The following PAQR3 variants were observed in gnomAD, a reference collection of about 807,000 sequenced individuals.
PAQR3 encodes Raf kinase trapping to Golgi.
Under a neutral mutation model 41.7 loss-of-function variants are expected in PAQR3, and 39 were observed. The observed-to-expected ratio is 0.93, with a 90% confidence interval of 0.72 to 1.22. The LOEUF (loss-of-function observed/expected upper bound fraction) is 1.22, where lower values mean the gene tolerates loss of function less well. Ranked by LOEUF, PAQR3 falls within the 50% of genes most tolerant of loss-of-function variation. The probability of loss-of-function intolerance (pLI) is 0.00; values close to 1 mark genes in which losing one functional copy is unlikely to be tolerated. For synonymous variants in PAQR3, 140 were observed against 140.6 expected (o/e 1.00, Z 0.03); for missense variants, 366 against 385.6 (o/e 0.95, Z 0.42).
chr4:78,908,793 A>G (rs560925853), downstream of PAQR3, among the ~76,000 whole-genome samples: 3 of 152,334 alleles, frequency 2.0e-5, no homozygotes, highest in Admixed American at 2.0e-4. Flanking sequence ...TAGTAGGTAT[A>G]TACATTTATG....
chr4:78,934,817 A>G (rs111566752), intron 2 of PAQR3, among the ~76,000 whole-genome samples: 2 of 152,356 alleles, frequency 1.3e-5, no homozygotes, highest in African/African-American at 4.8e-5. Flanking sequence ...CTAGTGTTGT[A>G]CTTCAGCCAG....
intron 11 of PAQR3, among the ~76,000 whole-genome samples, chr4:78,905,829 A>T (rs1734255903): frequency 6.6e-6 from 1 of 151,888 alleles, no homozygotes; most frequent in African/African-American, 2.4e-5. Context: ...TTTTTAAATT[A>T]TAGGAATATG....
downstream of PAQR3, chr4:78,911,554 A>G (rs1734609282): frequency 3.1e-6 from 5 of 1,613,948 alleles, no homozygotes; most frequent in East Asian, 1.1e-4. Flanking sequence ...CACGCCAACT[A>G]GCACAAAGAA....
rs1737773481 is a variant in PAQR3, at chr4:78,939,197, G to A, written c.28C>T (p.His10Tyr). 5 of 1,609,084 alleles carry A rather than the reference G, an allele frequency of 3.1e-6. No homozygotes were observed. Among genetic ancestry groups the A allele is most frequent in the East Asian group, 2.3e-5 (1 of 44,136 alleles). Residue 10 changes from histidine (H) to tyrosine (Y), a missense_variant, in exon 1 of 6, where the codon CAT (histidine) becomes TAT (tyrosine). Physicochemically the swap from His to Tyr is moderately conservative, Grantham distance 83 (BLOSUM62 2). Transcript: ENST00000512733. MHQKLLKSA[H>Y]YIELGSYQYW... Reference sequence around the variant, plus strand: ...TGGTAGCTGCCCAGCTCGATGTAATGCGCGCTCTTCAGCAGCTTCTGATGC... The same window carrying A: ...TGGTAGCTGCCCAGCTCGATGTAATACGCGCTCTTCAGCAGCTTCTGATGC...
intron 1 of PAQR3, among the ~76,000 whole-genome samples, chr4:78,936,898 G>A (rs1009590414): frequency 2.2e-4 from 33 of 152,078 alleles, no homozygotes; most frequent in Admixed American, 1.8e-3. Context: ...ATCTGTCCCC[G>A]TCACTCCTGA....
chr4:78,918,666 A>AAT lies in PAQR3; in HGVS notation c.*1872_*1873insAT. 9 of 951,978 alleles carry AAT rather than the reference A, an allele frequency of 9.5e-6. No homozygotes were observed. The highest frequency in any genetic ancestry group is 1.1e-5 in the Non-Finnish European group (9 of 799,498). 59.0% of individuals were successfully genotyped at this position (951,978 alleles called of 1,614,324 possible). On this transcript the variant is annotated 3_prime_UTR_variant, in exon 6 of 6. Coordinates refer to ENST00000512733, the MANE Select transcript of PAQR3 (RefSeq NM_001040202.2). ...ATGGCAAGTATGTATTCATATACTA[A>AAT]TACAGGGACTGCAAAAATTGAAATG...
rs542997456 is a variant in PAQR3, at chr4:78,923,552, G to A, written c.793+305C>T. The stretch of plus-strand genomic sequence containing the variant: ...TATAGAGAAGTAAATGGTAGTTGAC[G>A]GTGTTCTACTTTTTAAAAGAAATAG... On this transcript the variant is annotated intron_variant, in intron 5 of 5. Coordinates refer to ENST00000512733, the MANE Select transcript of PAQR3 (RefSeq NM_001040202.2). 46 of 344,766 alleles carry A rather than the reference G, an allele frequency of 1.3e-4. 1 individual carries two copies. In the South Asian group the frequency reaches 1.6e-3, roughly 12 times the overall value. The allele number at this position is 344,766 out of a possible 1,614,324, so 21.4% of individuals were successfully genotyped here.
rs563593572 is a variant in PAQR3, at chr4:78,931,653, T to C, written c.349-1328A>G. Among the ~76,000 whole-genome samples the C allele has an allele frequency of 4.6e-5, 7 of 152,188 alleles. No individual in the cohort carries two copies. In the South Asian group the frequency reaches 6.2e-4, roughly 14 times the overall value. Reference sequence around the variant, plus strand: ...CATAATTGGAAAAGGTGGGAGGATATTGACTCTGTGGAGGTACATGTGCAT... The same window carrying C: ...CATAATTGGAAAAGGTGGGAGGATACTGACTCTGTGGAGGTACATGTGCAT... On this transcript the variant is annotated intron_variant, in intron 2 of 5. Transcript: ENST00000512733.
In PAQR3 at chr4:78,915,188, T is replaced by C. The variant is rs1002441916; in HGVS notation, c.*5351A>G. 1 of 151,988 alleles carries C rather than the reference T, an allele frequency of 6.6e-6. No individual in the cohort carries two copies. The allele number at this position is 151,988 out of a possible 1,614,324, so 9.4% of individuals were successfully genotyped here. On this transcript the variant is annotated 3_prime_UTR_variant, in exon 6 of 6. Coordinates refer to ENST00000512733, the MANE Select transcript of PAQR3 (RefSeq NM_001040202.2). ...TTACGACATTATCCGGATTTGCAAA[T>C]AGACACAACTTTCAGTCTTACCCTG...
chr4:78,910,862 TTAA>T (rs1553922504), downstream of PAQR3: 2 of 1,613,936 alleles, frequency 1.2e-6, no homozygotes, highest in African/African-American at 2.7e-5. Flanking sequence ...CAAGGAGATT[TTAA>T]TGATGATGAT....
At chr4:78,927,249 A>C (rs1325107265) in intron 3 of PAQR3, among the ~76,000 whole-genome samples, 2 of 152,184 alleles carry the variant, frequency 1.3e-5, no homozygotes, top group Non-Finnish European at 2.9e-5. Context: ...ATGCAGCAGG[A>C]AGTTTTGAGA....
At chr4:78,928,643 T>TA (rs1736501985) in intron 3 of PAQR3, among the ~76,000 whole-genome samples, 1 of 152,196 alleles carries the variant, frequency 6.6e-6, no homozygotes. Flanking sequence ...GACTGTGCCT[T>TA]AGAGCAGTGG....
At chr4:78,900,255 A>G (rs1008936982) in intron 11 of PAQR3, among the ~76,000 whole-genome samples, 3 of 152,186 alleles carry the variant, frequency 2.0e-5, no homozygotes, top group Non-Finnish European at 2.9e-5. Context: ...CATTCAAAAT[A>G]TGTTATTAGT....
intron 11 of PAQR3, among the ~76,000 whole-genome samples, chr4:78,901,426 G>C (rs1386642772): frequency 1.3e-5 from 2 of 152,050 alleles, no homozygotes; most frequent in African/African-American, 4.8e-5. Flanking sequence ...AAAATTGAAA[G>C]GATTAAATGA....
At chr4:78,928,516 C>G (rs892425245) in intron 3 of PAQR3, among the ~76,000 whole-genome samples, 1 of 152,012 alleles carries the variant, frequency 6.6e-6, no homozygotes, top group Non-Finnish European at 1.5e-5. Flanking sequence ...ATTTTCATAC[C>G]AGATATGTTG....
rs1010637897 is a variant in PAQR3, at chr4:78,922,518, G to A, written c.793+1339C>T. The A allele has an allele frequency of 1.3e-5, 14 of 1,059,482 alleles. No individual in the cohort carries two copies. In the East Asian group the frequency reaches 4.1e-4, roughly 31 times the overall value. The allele number at this position is 1,059,482 out of a possible 1,614,324, so 65.6% of individuals were successfully genotyped here. A position where few individuals can be genotyped will look rare whatever the true frequency, so the allele number is the denominator to read the frequency against. ...AACTGAAAAAAAACATCAGTTTTAT[G>A]TACTCTAAATGTTATTTCTGACCCA... On this transcript the variant is annotated intron_variant, in intron 5 of 5. Coordinates refer to ENST00000512733, the MANE Select transcript of PAQR3 (RefSeq NM_001040202.2).
At position 78,931,572 on chromosome 4, in the gene PAQR3, A is replaced by G. The variant is rs188434274; in HGVS notation, c.349-1247T>C. ...CTGTATGTCATACATTGGAGGTGAT[A>G]CAGAATCACTGAACAAACAGTACAG... On this transcript the variant is annotated intron_variant, in intron 2 of 5. Transcript: ENST00000512733. Among the ~76,000 whole-genome samples the G allele has an allele frequency of 2.6e-3, 394 of 152,246 alleles. 1 individual carries two copies. The highest frequency in any genetic ancestry group is 4.4e-3 in the Non-Finnish European group (302 of 68,038).
chr4:78,924,613 G>A (rs1736004838), intron 4 of PAQR3, among the ~76,000 whole-genome samples: 1 of 151,992 alleles, frequency 6.6e-6, no homozygotes, highest in Admixed American at 6.6e-5. Context: ...GAGCAACACA[G>A]TAAGACCCCT....
In PAQR3 at chr4:78,899,655, A is replaced by AT. The variant is rs538919816; in HGVS notation, c.*836+6452dup. Among the ~76,000 whole-genome samples, 1,228 of 146,102 alleles carry AT rather than the reference A, an allele frequency of 8.4e-3. 6 individuals are homozygous for AT. The highest frequency in any genetic ancestry group is 0.026 in the African/African-American group (1,051 of 40,262). On this transcript the variant is annotated intron_variant and NMD_transcript_variant, in intron 11 of 12. Coordinates refer to the PAQR3 transcript ENST00000342820. Reference sequence around the variant, plus strand: ...GAAGTACAGGAGGGCTGAAGAAAGAATTTTTTTTTTTTTTCCCAAAGGATT... The same window carrying AT: ...GAAGTACAGGAGGGCTGAAGAAAGAATTTTTTTTTTTTTTTCCCAAAGGATT...
Sources: gnomAD v4.1 joint callset for allele counts (sites outside exome capture counted in the v4.1 genomes callset) on GRCh38, gnomAD v4.1.1 for gene constraint, MANE v1.5 for transcripts, NCBI Gene and HGNC (gene_info 2026-07-23, HGNC 2026-07-21) for gene names.